Variants in TDRD9 observed in about 807,000 individuals in gnomAD.
TDRD9 encodes ATP-dependent RNA helicase TDRD9.
Under a neutral mutation model 172.6 loss-of-function variants are expected in TDRD9, and 124 were observed. The ratio of observed to expected loss-of-function variants is 0.72; its 90% CI spans 0.62 to 0.83. The LOEUF (loss-of-function observed/expected upper bound fraction) is 0.83. TDRD9 is among the 40% of genes least tolerant of loss of function. The pLI is 0.00. For synonymous variants in TDRD9, 619 were observed against 617.1 expected (o/e 1.00, Z -0.05); for missense variants, 1,479 against 1,714.1 (o/e 0.86, Z 2.42).
In TDRD9 at chr14:104,008,429, G is replaced by A. The variant is rs192499606; in HGVS notation, c.2069G>A (p.Gly690Glu). Residue 690 changes from glycine to glutamate, a missense_variant, in exon 20 of 36, where the codon GGA (glycine) becomes GAA (glutamate). Physicochemically the swap from Gly to Glu is moderately conservative, Grantham distance 98. Transcript: ENST00000409874. ...LRYPKDELNW[G>E]RLNYIQIKRI... ...TATTTAAAGGATGAACTTAATTGGG[G>A]ACGGTTAAATTACATTCAAATCAAG... is the stretch of plus-strand genomic sequence containing the variant. The A allele has an allele frequency of 1.9e-6, 3 of 1,560,104 alleles. No homozygotes were observed. The highest frequency in any genetic ancestry group is 3.4e-5 in the Admixed American group (2 of 59,444).
intron 13 of TDRD9, among the ~76,000 whole-genome samples, chr14:104,000,278 A>G (rs572345912): frequency 1.3e-5 from 2 of 148,572 alleles, no homozygotes; most frequent in African/African-American, 2.5e-5. Context: ...AAGTGAGCTG[A>G]GATCGCACAC....
At chr14:104,000,465 A>C (rs776232302) in intron 13 of TDRD9, among the ~76,000 whole-genome samples, 3 of 152,074 alleles carry the variant, frequency 2.0e-5, no homozygotes, top group African/African-American at 4.8e-5. Context: ...CTCCCCTCAA[A>C]CTTTCTAAAA....
rs757153061 is a variant in TDRD9 at position 104,026,729 on chromosome 14, T to A, written c.3072T>A (p.Val1024=). The part of the protein sequence containing the change: ...CKMRPSAKSL[V]CGKHWSDGAS... ...TGAGACCATCAGCAAAGTCTCTTGT[T>A]TGTGGCAAGCACTGGAGTGACGGGG... The change falls in exon 28 of 36, where the codon GTT becomes GTA. Residue 1024 remains valine, a synonymous_variant. Transcript: ENST00000409874. 3 of 1,613,916 alleles carry A rather than the reference T, an allele frequency of 1.9e-6. No individual in the cohort carries two copies. The African/African-American group carries it at 4.0e-5, about 22-fold the overall frequency.
intron 34 of TDRD9, among the ~76,000 whole-genome samples, chr14:104,045,924 T>G (rs2035760232): frequency 6.6e-6 from 1 of 152,220 alleles, no homozygotes; most frequent in Non-Finnish European, 1.5e-5. Flanking sequence ...CTCTCTGGTC[T>G]TCAGTTATAA....
At chr14:103,999,912 G>C (rs1343752592) in intron 13 of TDRD9, among the ~76,000 whole-genome samples, 1 of 152,140 alleles carries the variant, frequency 6.6e-6, no homozygotes, top group African/African-American at 2.4e-5. Context: ...GAAGTGGTGG[G>C]AATGAGGTTT....
At chr14:103,987,123 TACACACACACAC>T (rs143714763) in intron 8 of TDRD9, among the ~76,000 whole-genome samples, 72 of 145,798 alleles carry the variant, frequency 4.9e-4, no homozygotes, top group East Asian at 2.4e-3. Flanking sequence ...AAAAAATATA[TACACACACACAC>T]ACACACACAC....
chr14:103,953,654 A>G (rs2032056337), intron 1 of TDRD9, among the ~76,000 whole-genome samples: 1 of 152,138 alleles, frequency 6.6e-6, no homozygotes, highest in East Asian at 1.9e-4. Flanking sequence ...AGGGTAACTG[A>G]TGCTGTAACT....
intron 1 of TDRD9, among the ~76,000 whole-genome samples, chr14:103,948,113 A>G (rs998600893): frequency 6.6e-6 from 1 of 152,120 alleles, no homozygotes; most frequent in Non-Finnish European, 1.5e-5. Flanking sequence ...TCCTAGGCTT[A>G]AGGGATCCTT....
intron 1 of TDRD9, among the ~76,000 whole-genome samples, chr14:103,933,439 A>G (rs2030536234): frequency 6.6e-6 from 1 of 152,154 alleles, no homozygotes; most frequent in Non-Finnish European, 1.5e-5. Context: ...ACTGTTCAAC[A>G]CCTTATTAAA....
intron 25 of TDRD9, among the ~76,000 whole-genome samples, chr14:104,024,895 C>T (rs2035068265): frequency 6.6e-6 from 1 of 151,966 alleles, no homozygotes; most frequent in African/African-American, 2.4e-5. Flanking sequence ...CATACTTATT[C>T]TAGAATCAAA....
At chr14:104,036,377 A>C in intron 32 of TDRD9, among the ~76,000 whole-genome samples, 1 of 152,164 alleles carries the variant, frequency 6.6e-6, no homozygotes. Flanking sequence ...TGATGCAGTA[A>C]ATCCCTCTGT....
intron 1 of TDRD9, among the ~76,000 whole-genome samples, chr14:103,954,774 A>G (rs1212925895): frequency 2.0e-5 from 3 of 150,398 alleles, no homozygotes; most frequent in African/African-American, 7.4e-5. Context: ...GATTACAGGG[A>G]CCTGCCACCA....
chr14:103,976,775 T>G (rs1028112565), intron 7 of TDRD9, among the ~76,000 whole-genome samples: 2 of 152,262 alleles, frequency 1.3e-5, no homozygotes, highest in African/African-American at 2.4e-5. Context: ...AACGCTATAC[T>G]AATTGACATT....
chr14:104,022,575 A>C (rs980873681), intron 24 of TDRD9, among the ~76,000 whole-genome samples: 2 of 152,062 alleles, frequency 1.3e-5, no homozygotes, highest in African/African-American at 4.8e-5. Context: ...GACAATACAA[A>C]AATTAGCCGG....
At chr14:103,989,811 G>A (rs912500623) in intron 8 of TDRD9, among the ~76,000 whole-genome samples, 9 of 152,208 alleles carry the variant, frequency 5.9e-5, no homozygotes, top group African/African-American at 1.4e-4. Flanking sequence ...CACTCTGTGC[G>A]TTTTCCAACC....
At chr14:103,938,620 G>A (rs2030970111) in intron 1 of TDRD9, among the ~76,000 whole-genome samples, 1 of 151,058 alleles carries the variant, frequency 6.6e-6, no homozygotes, top group Admixed American at 6.6e-5. Flanking sequence ...TATATTTTTA[G>A]TAGAGATGGG....
chr14:103,975,441 C>T lies in TDRD9; in HGVS notation c.899C>T (p.Ala300Val), dbSNP rs761955277. 1 of 1,613,898 alleles carries T rather than the reference C, an allele frequency of 6.2e-7. No homozygotes were observed. Residue 300 changes from alanine to valine, a missense_variant, in exon 7 of 36, where the codon GCT becomes GTT. By Grantham distance (64) the Ala-to-Val change is moderately conservative. Around this residue, in one of 3 missense-constraint regions of TDRD9, gnomAD observed 1,413 missense variants for 1,649.1 expected, o/e 0.86. Coordinates refer to ENST00000409874, the MANE Select transcript of TDRD9 (RefSeq NM_153046.3). ...ISCKEFADYF[A>V]VPVQNKMNPA... is the part of the protein sequence containing the mutation. ...TGTAAAGAGTTTGCAGACTACTTTG[C>T]TGTTCCTGTTCAAAACAAGATGAAT...
intron 1 of TDRD9, among the ~76,000 whole-genome samples, chr14:103,952,504 G>A (rs1357001002): frequency 2.0e-5 from 3 of 150,624 alleles, no homozygotes; most frequent in African/African-American, 7.3e-5. Context: ...GCCTCCCAAA[G>A]TGCTGGGATT....
rs1049432449 is a variant in TDRD9, at chr14:103,980,926, T to C, written c.1012-5291T>C. On this transcript the variant is annotated intron_variant, in intron 7 of 35. Transcript: ENST00000409874. This position sits in a 1 kb window ranked among gnomAD's most constrained non-coding sequence, Gnocchi z 4.5. ...TCCTGTCTCTGTATGGCCTGGTTTTTCCTAGGTTATGATTGTAGAGCGAGA... is the reference window on the plus strand; with the variant it reads ...TCCTGTCTCTGTATGGCCTGGTTTTCCCTAGGTTATGATTGTAGAGCGAGA... 6.6e-6 allele frequency among the ~76,000 whole-genome samples: 1 copy of C among 152,222 alleles called. No individual in the cohort carries two copies. Among genetic ancestry groups the C allele is most frequent in the African/African-American group, 2.4e-5 (1 of 41,458 alleles).
Sources: allele counts gnomAD v4.1 joint callset (sites outside exome capture counted in the v4.1 genomes callset), GRCh38; gene constraint gnomAD v4.1.1; regional missense constraint gnomAD v4.1.1; non-coding constraint Gnocchi (gnomAD v3.1); transcripts MANE v1.5; gene names NCBI Gene and HGNC (gene_info 2026-07-23, HGNC 2026-07-21).